Variants in LY6S observed in about 807,000 individuals in gnomAD.
LY6S encodes the protein lymphocyte antigen 6S.
At chr8:143,051,417 C>T in the LY6S span, among the ~76,000 whole-genome samples, 5 of 151,802 alleles carry the variant, frequency 3.3e-5, 1 homozygote, top group South Asian at 4.2e-4. Context: ...GGCATGCACC[C>T]GTAATCCCAG....
the LY6S span, chr8:143,066,003 C>A: frequency 3.4e-5 from 12 of 354,200 alleles, no homozygotes; most frequent in East Asian, 9.8e-4. Flanking sequence ...TTCATGAGAT[C>A]CATTCCTGAC....
chr8:143,041,125 G>C, the LY6S span, among the ~76,000 whole-genome samples: 2 of 152,210 alleles, frequency 1.3e-5, no homozygotes, highest in South Asian at 4.2e-4. Context: ...CAGGAGACAG[G>C]GTTTGAGAGC....
chr8:143,062,129 C>T, the LY6S span, among the ~76,000 whole-genome samples: 1 of 152,166 alleles, frequency 6.6e-6, no homozygotes, highest in African/African-American at 2.4e-5. Context: ...GGAAATGAAA[C>T]TGTCATTATT....
chr8:143,072,413 C>A, the LY6S span, among the ~76,000 whole-genome samples: 1 of 127,972 alleles, frequency 7.8e-6, no homozygotes, highest in African/African-American at 3.3e-5. Context: ...CCGTCGTCCT[C>A]GTGGTCCCTG....
chr8:143,058,423 A>C, the LY6S span, among the ~76,000 whole-genome samples: 1 of 152,226 alleles, frequency 6.6e-6, no homozygotes, highest in African/African-American at 2.4e-5. Flanking sequence ...CCTGCCTGGC[A>C]GCTGAGGCAG....
the LY6S span, among the ~76,000 whole-genome samples, chr8:143,068,167 T>G: frequency 1.3e-5 from 2 of 152,364 alleles, no homozygotes; most frequent in South Asian, 4.1e-4. Context: ...CTTTCCGCAG[T>G]GCATTGTGTC....
chr8:143,057,520 T>A, the LY6S span: 2 of 812,332 alleles, frequency 2.5e-6, no homozygotes, highest in Non-Finnish European at 4.1e-6. Context: ...AGTGCTGGGA[T>A]TACAGGCGTG....
At chr8:143,072,275 C>T in the LY6S span, among the ~76,000 whole-genome samples, 2 of 146,830 alleles carry the variant, frequency 1.4e-5, no homozygotes, top group African/African-American at 2.5e-5. Flanking sequence ...AGCCGTCGTC[C>T]CCGGGGTTCC....
chr8:143,044,842 G>A, the LY6S span: 1 of 1,349,572 alleles, frequency 7.4e-7, no homozygotes, highest in Admixed American at 2.0e-5. Context: ...CACATGCCAG[G>A]ACATACACCA....
the LY6S span, among the ~76,000 whole-genome samples, chr8:143,048,828 T>C: frequency 2.4e-4 from 36 of 152,204 alleles, no homozygotes; most frequent in African/African-American, 7.2e-4. Flanking sequence ...TTATGCATTT[T>C]CCACCTCCTT....
At chr8:143,072,657 C>T in the LY6S span, among the ~76,000 whole-genome samples, 41 of 87,380 alleles carry the variant, frequency 4.7e-4, no homozygotes, top group South Asian at 1.2e-3. Flanking sequence ...TCCTCGGGGT[C>T]CCTGTTTGAG....
the LY6S span, among the ~76,000 whole-genome samples, chr8:143,070,003 G>A: frequency 6.6e-6 from 1 of 152,124 alleles, no homozygotes; most frequent in Non-Finnish European, 1.5e-5. Context: ...CACAACTGGG[G>A]GCTTAAGCTA....
chr8:143,041,868 C>T, the LY6S span, among the ~76,000 whole-genome samples: 2 of 150,046 alleles, frequency 1.3e-5, no homozygotes, highest in African/African-American at 2.5e-5. Context: ...CTGAGACGGC[C>T]GTCCACCCAG....
At chr8:143,057,319 G>A in the LY6S span, 261 of 347,584 alleles carry the variant, frequency 7.5e-4, no homozygotes, top group Non-Finnish European at 1.2e-3. Flanking sequence ...GTGCCATCTC[G>A]GCTCACTGCA....
At chr8:143,048,815 A>G in the LY6S span, among the ~76,000 whole-genome samples, 2 of 152,010 alleles carry the variant, frequency 1.3e-5, no homozygotes, top group African/African-American at 4.8e-5. Context: ...GTCCCTCCAG[A>G]CCTTATGCAT....
chr8:143,074,795 T>C, the LY6S span, among the ~76,000 whole-genome samples: 2 of 152,168 alleles, frequency 1.3e-5, no homozygotes, highest in African/African-American at 4.8e-5. Flanking sequence ...TGCTAGAAAT[T>C]ATATGCAAAA....
At chr8:143,072,214 T>TCCCTATTTGAGAAGACAGCCATTG in the LY6S span, among the ~76,000 whole-genome samples, 19 of 150,472 alleles carry the variant, frequency 1.3e-4, no homozygotes, top group African/African-American at 4.4e-4. Context: ...ATTCTGGGGG[T>TCCCTATTTGAGAAGACAGCCATTG]TCCTGTTTGA....
At chr8:143,061,637 C>T in the LY6S span, among the ~76,000 whole-genome samples, 7 of 152,186 alleles carry the variant, frequency 4.6e-5, no homozygotes, top group South Asian at 2.1e-4. Context: ...CTCCACCTCC[C>T]GGGTTCAAGT....
At chr8:143,044,754 G>T in the LY6S span, 5 of 1,367,582 alleles carry the variant, frequency 3.7e-6, no homozygotes, top group Non-Finnish European at 4.9e-6. Context: ...CGCTGCAGGA[G>T]GCCCCTTCCA....
Sources: allele counts gnomAD v4.1 joint callset (sites outside exome capture counted in the v4.1 genomes callset), GRCh38; gene constraint gnomAD v4.1.1; transcripts MANE v1.5; gene names NCBI Gene and HGNC (gene_info 2026-07-23, HGNC 2026-07-21).